The following CTNND2 variants were observed in gnomAD, a reference collection of about 807,000 sequenced individuals.
CTNND2 encodes catenin delta 2, also known as catenin delta-2.
A neutral mutation model predicts 144.4 loss-of-function variants in CTNND2; 22 were observed. That is an observed-to-expected ratio of 0.15 (90% confidence interval 0.11 to 0.22). CTNND2 has a LOEUF of 0.22. Among genes scored for constraint, CTNND2 ranks in the 10% least tolerant of loss-of-function variants. CTNND2 has a pLI of 1.00. For synonymous variants in CTNND2, 751 were observed against 695.6 expected (o/e 1.08, Z -1.25); for missense variants, 1,353 against 1,618.8 (o/e 0.84, Z 2.82).
intron 7 of CTNND2, among the ~76,000 whole-genome samples, chr5:11,383,793 G>C (rs992509370): frequency 6.6e-6 from 1 of 152,110 alleles, no homozygotes; most frequent in African/African-American, 2.4e-5. Flanking sequence ...CAATAAATCC[G>C]GGTTAGTTGT....
At chr5:11,247,155 C>T (rs1201137975) in intron 9 of CTNND2, among the ~76,000 whole-genome samples, 2 of 152,108 alleles carry the variant, frequency 1.3e-5, no homozygotes, top group African/African-American at 4.8e-5. Flanking sequence ...TGGAAAAGGC[C>T]CCCGCTGGAT....
At chr5:11,599,661 C>T (rs1346047893) in intron 2 of CTNND2, among the ~76,000 whole-genome samples, 1 of 151,990 alleles carries the variant, frequency 6.6e-6, no homozygotes, top group African/African-American at 2.4e-5. Flanking sequence ...ATGAGGTCCA[C>T]GTAGATCAAA....
chr5:11,805,965 TA>T (rs759188304), intron 1 of CTNND2, among the ~76,000 whole-genome samples: 1 of 152,130 alleles, frequency 6.6e-6, no homozygotes, highest in Non-Finnish European at 1.5e-5. Context: ...GTGTATACAC[TA>T]ACCCTATCAG....
rs538538230 is a variant in CTNND2 at position 11,659,126 on chromosome 5, GA to G, written c.174+73009del. Among the ~76,000 whole-genome samples, 410 of 151,586 alleles carry G rather than the reference GA, an allele frequency of 2.7e-3. 3 individuals are homozygous for G. Among genetic ancestry groups the G allele is most frequent in the African/African-American group, 9.5e-3 (393 of 41,326 alleles). On this transcript the variant is annotated intron_variant, in intron 2 of 21. Coordinates refer to ENST00000304623, the MANE Select transcript of CTNND2 (RefSeq NM_001332.4). ...ACCAACGGCAGATCAAAATTATTTG[GA>G]AAAAAATTTTAAAAATAAAACAATA...
At chr5:11,354,369 CA>C (rs1386848055) in intron 8 of CTNND2, among the ~76,000 whole-genome samples, 2 of 152,176 alleles carry the variant, frequency 1.3e-5, no homozygotes, top group Admixed American at 6.5e-5. Context: ...AAAGAAACTC[CA>C]AGGAAGCTTA....
chr5:11,356,997 T>C (rs1755955840), intron 8 of CTNND2, among the ~76,000 whole-genome samples: 1 of 152,058 alleles, frequency 6.6e-6, no homozygotes. Context: ...CTCACTCCAG[T>C]TAGAATGGCT....
At chr5:11,066,330 G>A (rs963929634) in intron 16 of CTNND2, among the ~76,000 whole-genome samples, 17 of 152,170 alleles carry the variant, frequency 1.1e-4, no homozygotes, top group African/African-American at 3.1e-4. Context: ...GCGCCACCGC[G>A]CCCAGCCTTC....
At chr5:11,899,994 G>A (rs977382489) in intron 1 of CTNND2, among the ~76,000 whole-genome samples, 9 of 152,068 alleles carry the variant, frequency 5.9e-5, no homozygotes, top group Non-Finnish European at 1.2e-4. Context: ...AAATAGTTGG[G>A]CTCTGACATA....
intron 21 of CTNND2, among the ~76,000 whole-genome samples, chr5:10,974,912 T>C (rs1736260360): frequency 6.6e-6 from 1 of 152,230 alleles, no homozygotes; most frequent in African/African-American, 2.4e-5. Flanking sequence ...CATTGATTTA[T>C]ACTAGTAATC....
chr5:11,553,873 G>C (rs975268601), intron 3 of CTNND2, among the ~76,000 whole-genome samples: 4 of 151,916 alleles, frequency 2.6e-5, no homozygotes, highest in African/African-American at 9.7e-5. Context: ...ATTGTTTTTA[G>C]ATGTAAAATT....
chr5:11,410,712 G>A (rs1761447911), intron 5 of CTNND2, among the ~76,000 whole-genome samples: 1 of 151,974 alleles, frequency 6.6e-6, no homozygotes, highest in Non-Finnish European at 1.5e-5. Context: ...AATGCAAGAT[G>A]GTTAAATACA....
chr5:11,220,637 C>T lies in CTNND2; in HGVS notation c.1761+16054G>A, dbSNP rs112563566. Among the ~76,000 whole-genome samples the T allele has an allele frequency of 1.0e-3, 154 of 152,238 alleles. 1 individual carries two copies. The highest frequency in any genetic ancestry group is 3.5e-3 in the African/African-American group (147 of 41,538). ...CAAAGCTTGAAAGGAAACTGTGCAG[C>T]GAACATACCCTTCTATGCGAGGGTG... On this transcript the variant is annotated intron_variant, in intron 10 of 21. Coordinates refer to ENST00000304623, the MANE Select transcript of CTNND2 (RefSeq NM_001332.4).
chr5:11,760,797 GT>G (rs5865963), intron 1 of CTNND2, among the ~76,000 whole-genome samples: 147,770 of 151,898 alleles, frequency 0.97, 72,005 homozygotes, highest in South Asian at 1. Flanking sequence ...CATTTATGTA[GT>G]TTTTTTTTAA....
intron 16 of CTNND2, among the ~76,000 whole-genome samples, chr5:11,026,601 C>A (rs991107314): frequency 3.3e-5 from 5 of 152,116 alleles, no homozygotes; most frequent in African/African-American, 1.2e-4. Context: ...AAGTGATCTG[C>A]CTGCCTCTGC....
At chr5:11,604,710 CAATT>C (rs1434833075) in intron 2 of CTNND2, among the ~76,000 whole-genome samples, 1 of 152,190 alleles carries the variant, frequency 6.6e-6, no homozygotes, top group Admixed American at 6.5e-5. Flanking sequence ...TACCTGGACT[CAATT>C]AATCACCCAT....
At chr5:11,839,000 T>A (rs1309334313) in intron 1 of CTNND2, among the ~76,000 whole-genome samples, 1 of 152,178 alleles carries the variant, frequency 6.6e-6, no homozygotes, top group African/African-American at 2.4e-5. Context: ...TGATGTAATA[T>A]TATATGATTT....
At chr5:11,304,504 C>T (rs1339081226) in intron 9 of CTNND2, among the ~76,000 whole-genome samples, 2 of 152,074 alleles carry the variant, frequency 1.3e-5, no homozygotes, top group Non-Finnish European at 2.9e-5. Context: ...TTTTTGCAGA[C>T]CTGAAACTTG....
At chr5:11,421,145 G>A (rs1236367003) in intron 3 of CTNND2, among the ~76,000 whole-genome samples, 1 of 152,092 alleles carries the variant, frequency 6.6e-6, no homozygotes, top group Non-Finnish European at 1.5e-5. Flanking sequence ...CATGCTAAAT[G>A]ATGCTCCCAC....
intron 3 of CTNND2, among the ~76,000 whole-genome samples, chr5:11,478,779 T>G (rs1767985008): frequency 6.6e-6 from 1 of 152,142 alleles, no homozygotes; most frequent in South Asian, 2.1e-4. Context: ...AATTTTAAAC[T>G]TGGAAAGGCT....
Sources: allele counts gnomAD v4.1 joint callset (sites outside exome capture counted in the v4.1 genomes callset), GRCh38; gene constraint gnomAD v4.1.1; transcripts MANE v1.5; gene names NCBI Gene and HGNC (gene_info 2026-07-23, HGNC 2026-07-21).